The following BRIP1 variants were observed in gnomAD, a reference collection of about 807,000 sequenced individuals.
The protein encoded by BRIP1 is Fanconi anemia group J protein.
In BRIP1, 88 loss-of-function variants were observed where a neutral mutation model predicts 119.7. That is an observed-to-expected ratio of 0.74 (90% CI 0.62 to 0.88). The LOEUF (loss-of-function observed/expected upper bound fraction) is 0.88, where lower values mean the gene tolerates loss of function less well. Among genes scored for constraint, BRIP1 ranks in the 40% least tolerant of loss-of-function variants. The probability of loss-of-function intolerance (pLI) is 0.00; values close to 1 mark genes in which losing one functional copy is unlikely to be tolerated. For missense variants in BRIP1, 1,259 were observed against 1,455.4 expected, an observed-to-expected ratio of 0.87 and a Z score of 2.20; for synonymous variants, 443 against 496.5, an observed-to-expected ratio of 0.89 and a Z score of 1.43.
rs1232313152 is a variant in BRIP1, at chr17:61,853,392, T to C, written c.379+3666A>G. 6.6e-6 allele frequency among the ~76,000 whole-genome samples: 1 copy of C among 152,148 alleles called. No homozygotes were observed. The highest frequency in any genetic ancestry group is 1.5e-5 in the Non-Finnish European group (1 of 68,024). ...GGTGTTGGTAATGTCTCTCTCTTTT[T>C]TTTTTAATCTATGTAGTAGTTATGA... is the stretch of plus-strand genomic sequence containing the variant. On this transcript the variant is annotated intron_variant, in intron 4 of 19. Coordinates refer to ENST00000259008, the MANE Select transcript of BRIP1 (RefSeq NM_032043.3). The surrounding 1 kb of genome is among the most constrained non-coding windows in gnomAD (Gnocchi z 4.3).
At position 61,815,408 on chromosome 17, in the gene BRIP1, T is replaced by C. The variant is rs181167968; in HGVS notation, c.628-6651A>G. On this transcript the variant is annotated intron_variant, in intron 6 of 19. Transcript: ENST00000259008. This position sits in a 1 kb window ranked among gnomAD's most constrained non-coding sequence, Gnocchi z 4.1. ...TTATTCCAGAATTTATATCTGGTTTTTTAACGAAAATCAAATGGAAACAAC... is the reference window on the plus strand; with the variant it reads ...TTATTCCAGAATTTATATCTGGTTTCTTAACGAAAATCAAATGGAAACAAC... 6.6e-6 allele frequency among the ~76,000 whole-genome samples: 1 copy of C among 152,292 alleles called. No individual in the cohort carries two copies. Among genetic ancestry groups the C allele is most frequent in the East Asian group, 1.9e-4 (1 of 5,182 alleles).
At chr17:61,787,103 AAATATATTAATATAT>A (rs1401316538) in intron 10 of BRIP1, among the ~76,000 whole-genome samples, 1 of 114,000 alleles carries the variant, frequency 8.8e-6, no homozygotes, top group Non-Finnish European at 1.6e-5. Flanking sequence ...ATGTATTAAT[AAATATATTAATATAT>A]AATATATTAT....
chr17:61,849,405 C>T, intron 4 of BRIP1, 149 bp from the exon 5 acceptor site: 1 of 674,934 alleles, frequency 1.5e-6, no homozygotes, highest in East Asian at 2.7e-5. Flanking sequence ...TTAAAAAGTA[C>T]TTCTCTACCA....
At position 61,856,200 on chromosome 17, in the gene BRIP1, C is replaced by T. The variant is rs1228519345; in HGVS notation, c.379+858G>A. Among the ~76,000 whole-genome samples the T allele has an allele frequency of 1.3e-5, 2 of 152,174 alleles. No homozygotes were observed. The highest frequency in any genetic ancestry group is 2.4e-5 in the African/African-American group (1 of 41,436). ...CTGTTCCACTTCTCTTTCCTCATTCCTACCAGAAGTTCAATCATCTACCCT... is the reference window on the plus strand; with the variant it reads ...CTGTTCCACTTCTCTTTCCTCATTCTTACCAGAAGTTCAATCATCTACCCT... On this transcript the variant is annotated intron_variant, in intron 4 of 19. Transcript: ENST00000259008. The surrounding 1 kb of genome is among the most constrained non-coding windows in gnomAD (Gnocchi z 5.1).
chr17:61,771,230 T>C (rs34241558), intron 14 of BRIP1, among the ~76,000 whole-genome samples: 38,587 of 152,120 alleles, frequency 0.25, 6,249 homozygotes, highest in Non-Finnish European at 0.36. Context: ...TCTATAGAAA[T>C]AGCAGATTAG....
chr17:61,843,044 T>C lies in BRIP1; in HGVS notation c.627+4057A>G, dbSNP rs2078679644. The stretch of plus-strand genomic sequence containing the variant: ...AATGGAATATTAGCCCTAAAAAAGA[T>C]CCTGCTATTTGTGACAACATGGATG... On this transcript the variant is annotated intron_variant, in intron 6 of 19. Transcript: ENST00000259008. The surrounding 1 kb of genome is among the most constrained non-coding windows in gnomAD (Gnocchi z 5.7). 6.6e-6 allele frequency among the ~76,000 whole-genome samples: 1 copy of C among 152,182 alleles called. No homozygotes were observed. The highest frequency in any genetic ancestry group is 2.4e-5 in the African/African-American group (1 of 41,440).
Position 61,768,017 on chromosome 17 carries a change from ATCTC to A in BRIP1, c.2097+8380_2097+8383del, listed in dbSNP as rs1480844651. Among the ~76,000 whole-genome samples the A allele has an allele frequency of 6.6e-6, 1 of 152,142 alleles. No individual in the cohort carries two copies. Among genetic ancestry groups the A allele is most frequent in the Admixed American group, 6.5e-5 (1 of 15,286 alleles). On this transcript the variant is annotated intron_variant, in intron 14 of 19. Coordinates refer to ENST00000259008, the MANE Select transcript of BRIP1 (RefSeq NM_032043.3). This position sits in a 1 kb window ranked among gnomAD's most constrained non-coding sequence, Gnocchi z 5.0. ...CTTAATTCCATTATCATTCTTCTTA[ATCTC>A]TCTAATGATTACAAATTTTGTCAAA...
Position 61,824,516 on chromosome 17 carries a change from T to G in BRIP1, c.628-15759A>C, listed in dbSNP as rs538174407. ...TTCCAAAAGCAAACCCCCACATATA[T>G]GGTCAAATAATTTTCAGCAGCCTAT... On this transcript the variant is annotated intron_variant, in intron 6 of 19. Coordinates refer to ENST00000259008, the MANE Select transcript of BRIP1 (RefSeq NM_032043.3). The surrounding 1 kb of genome is among the most constrained non-coding windows in gnomAD (Gnocchi z 4.3). 6.6e-6 allele frequency among the ~76,000 whole-genome samples: 1 copy of G among 152,112 alleles called. No individual in the cohort carries two copies. Among genetic ancestry groups the G allele is most frequent in the Non-Finnish European group, 1.5e-5 (1 of 68,022 alleles).
At position 61,832,707 on chromosome 17, in the gene BRIP1, A is replaced by G. The variant is rs1329470421; in HGVS notation, c.627+14394T>C. On this transcript the variant is annotated intron_variant, in intron 6 of 19. Coordinates refer to ENST00000259008, the MANE Select transcript of BRIP1 (RefSeq NM_032043.3). The surrounding 1 kb of genome is among the most constrained non-coding windows in gnomAD (Gnocchi z 5.5). The stretch of plus-strand genomic sequence containing the variant: ...CCAGACTGAAGAAGTTACTAAAGTG[A>G]TAACTAAATGCAATGCATGGTTCTG... 1.3e-5 allele frequency among the ~76,000 whole-genome samples: 2 copies of G among 152,234 alleles called. No homozygotes were observed. The highest frequency in any genetic ancestry group is 6.5e-5 in the Admixed American group (1 of 15,284).
At position 61,816,011 on chromosome 17, in the gene BRIP1, T is replaced by A. The variant is rs1330924899; in HGVS notation, c.628-7254A>T. Among the ~76,000 whole-genome samples the A allele has an allele frequency of 2.0e-5, 3 of 152,196 alleles. No individual in the cohort carries two copies. Among genetic ancestry groups the A allele is most frequent in the Non-Finnish European group, 2.9e-5 (2 of 68,024 alleles). Reference sequence around the variant, plus strand: ...TATACCTTTTCAACTATTCTTTTTTTAAAAATTCAAACAGTAGTAGTACCC... The same window carrying A: ...TATACCTTTTCAACTATTCTTTTTTAAAAAATTCAAACAGTAGTAGTACCC... On this transcript the variant is annotated intron_variant, in intron 6 of 19. Transcript: ENST00000259008. The surrounding 1 kb of genome is among the most constrained non-coding windows in gnomAD (Gnocchi z 5.0).
chr17:61,773,430 A>T (rs1212178977), intron 14 of BRIP1, among the ~76,000 whole-genome samples: 1 of 152,218 alleles, frequency 6.6e-6, no homozygotes, highest in Non-Finnish European at 1.5e-5. Context: ...TTAAAGACTT[A>T]AATCTTAGAC....
rs150323411 is a variant in BRIP1, at chr17:61,716,295, A to C, written c.2380-232T>G. ...TGTGTGATCTCAAGCAGTTTTATTG[A>C]ACTTACATTCATTAAATCCACACAA... is the stretch of plus-strand genomic sequence containing the variant. On this transcript the variant is annotated intron_variant, in intron 16 of 19. Coordinates refer to ENST00000259008, the MANE Select transcript of BRIP1 (RefSeq NM_032043.3). 1.6e-3 allele frequency among the ~76,000 whole-genome samples: 242 copies of C among 152,164 alleles called. 1 individual carries two copies. Among genetic ancestry groups the C allele is most frequent in the Non-Finnish European group, 2.3e-3 (158 of 67,970 alleles).
chr17:61,698,708 T>G (rs552300008), intron 17 of BRIP1, among the ~76,000 whole-genome samples: 4 of 152,110 alleles, frequency 2.6e-5, no homozygotes, highest in African/African-American at 9.6e-5. Flanking sequence ...TATTTTTTTT[T>G]ATTTTTTATT....
rs1037832249 is a variant in BRIP1 at position 61,814,623 on chromosome 17, C to T, written c.628-5866G>A. On this transcript the variant is annotated intron_variant, in intron 6 of 19. Transcript: ENST00000259008. This position sits in a 1 kb window ranked among gnomAD's most constrained non-coding sequence, Gnocchi z 4.9. ...GAAGAAACTCTTATTCACTGCTGAT[C>T]GAAGTATAAATTGGCACAACTACTT... is the stretch of plus-strand genomic sequence containing the variant. 1.3e-5 allele frequency among the ~76,000 whole-genome samples: 2 copies of T among 151,880 alleles called. No homozygotes were observed. Among genetic ancestry groups the T allele is most frequent in the Admixed American group, 6.6e-5 (1 of 15,222 alleles).
chr17:61,820,332 AAATCATACCTGCTTCAC>A lies in BRIP1; in HGVS notation c.628-11592_628-11576del, dbSNP rs534549134. Among the ~76,000 whole-genome samples the A allele has an allele frequency of 2.0e-4, 31 of 152,360 alleles. No individual in the cohort carries two copies. In the East Asian group the frequency reaches 5.6e-3, roughly 28 times the overall value. ...CTGAAGTTGCAAACTGGAGGTCCAC[AAATCATACCTGCTTCAC>A]AATCATGTTTTGAATGGCTACACAG... On this transcript the variant is annotated intron_variant, in intron 6 of 19. Transcript: ENST00000259008.
At chr17:61,837,375 G>A (rs1241680282) in intron 6 of BRIP1, among the ~76,000 whole-genome samples, 1 of 152,090 alleles carries the variant, frequency 6.6e-6, no homozygotes, top group Non-Finnish European at 1.5e-5. Flanking sequence ...CCTAAGGATC[G>A]CCCCAGTGTT....
rs1465721685 is a variant in BRIP1 at position 61,851,836 on chromosome 17, G to T, written c.380-2580C>A. ...GTAAAATAACCACAAAATAAACCTA[G>T]ATCAGTGATTCTCAACCAGGCCAAT... On this transcript the variant is annotated intron_variant, in intron 4 of 19. Transcript: ENST00000259008. The surrounding 1 kb of genome is among the most constrained non-coding windows in gnomAD (Gnocchi z 4.6). Among the ~76,000 whole-genome samples, 7 of 152,104 alleles carry T rather than the reference G, an allele frequency of 4.6e-5. No homozygotes were observed. The highest frequency in any genetic ancestry group is 1.7e-4 in the African/African-American group (7 of 41,418).
In BRIP1 at chr17:61,861,961, A is replaced by G. The variant is rs780953002; in HGVS notation, c.-30-392T>C. 5.4e-5 allele frequency: 12 copies of G among 222,764 alleles called. No homozygotes were observed. Among genetic ancestry groups the G allele is most frequent in the Non-Finnish European group, 8.1e-5 (9 of 110,846 alleles). 13.8% of individuals were successfully genotyped at this position (222,764 alleles called of 1,614,324 possible). On this transcript the variant is annotated intron_variant, in intron 1 of 19. Transcript: ENST00000259008. This position sits in a 1 kb window ranked among gnomAD's most constrained non-coding sequence, Gnocchi z 4.5. ...GTTAGATCAGATGTAATCAACCTAC[A>G]GAAACAAATAAGTTCCTGAGGCCTC...
Position 61,757,676 on chromosome 17 carries a change from A to T in BRIP1, c.2098-13085T>A, listed in dbSNP as rs1307391861. Among the ~76,000 whole-genome samples, 1 of 152,194 alleles carries T rather than the reference A, an allele frequency of 6.6e-6. No homozygotes were observed. The highest frequency in any genetic ancestry group is 1.5e-5 in the Non-Finnish European group (1 of 68,034). ...AAAACAACTAACATATTTACACATG[A>T]AATTCTACTTTCCTGAAATCATGTG... On this transcript the variant is annotated intron_variant, in intron 14 of 19. Transcript: ENST00000259008. The surrounding 1 kb of genome is among the most constrained non-coding windows in gnomAD (Gnocchi z 4.3).
Sources: gnomAD v4.1 joint callset for allele counts (sites outside exome capture counted in the v4.1 genomes callset) on GRCh38, gnomAD v4.1.1 for gene constraint, Gnocchi (gnomAD v3.1) non-coding constraint, MANE v1.5 for transcripts, NCBI Gene and HGNC (gene_info 2026-07-23, HGNC 2026-07-21) for gene names.